Variants in SLC25A37 observed in about 807,000 individuals in gnomAD.
The protein encoded by SLC25A37 is mitoferrin-1.
Under a neutral mutation model 31.0 loss-of-function variants are expected in SLC25A37, and 17 were observed. The observed-to-expected ratio is 0.55, with a 90% CI of 0.38 to 0.82. The LOEUF (loss-of-function observed/expected upper bound fraction) is 0.82, where lower values mean the gene tolerates loss of function less well. Ranked by LOEUF, SLC25A37 falls within the 40% of genes least tolerant of loss-of-function variation. The pLI, the probability that SLC25A37 is intolerant of heterozygous loss-of-function variation, is 0.00. For missense variants in SLC25A37, 404 were observed against 465.8 expected (o/e 0.87, Z 1.22); for synonymous variants, 222 against 193.0 (o/e 1.15, Z -1.24).
intron 1 of SLC25A37, among the ~76,000 whole-genome samples, chr8:23,544,979 G>A (rs1176634693): frequency 6.6e-6 from 1 of 152,208 alleles, no homozygotes; most frequent in East Asian, 1.9e-4. Flanking sequence ...GAGGCTAAGC[G>A]GTCACATCAG....
intron 1 of SLC25A37, among the ~76,000 whole-genome samples, chr8:23,536,070 G>A (rs546274451): frequency 7.2e-5 from 11 of 152,280 alleles, no homozygotes; most frequent in East Asian, 3.9e-4. Context: ...TGGTGCGTAC[G>A]TTGTCAATAA....
rs956209881 is a variant in SLC25A37 at position 23,529,320 on chromosome 8, C to T, written c.210+108C>T. 9 of 1,073,064 alleles carry T rather than the reference C, an allele frequency of 8.4e-6. No individual in the cohort carries two copies. The highest frequency in any genetic ancestry group is 3.4e-5 in the African/African-American group (2 of 59,666). 66.5% of individuals were successfully genotyped at this position (1,073,064 alleles called of 1,614,324 possible). A position where few individuals can be genotyped will look rare whatever the true frequency, so the allele number is the denominator to read the frequency against. On this transcript the variant is annotated intron_variant, in intron 1 of 3. Transcript: ENST00000519973. This position sits in a 1 kb window ranked among gnomAD's most constrained non-coding sequence, Gnocchi z 4.1. ...CGGGGCAGCGTCCCGAAACCGAGCT[C>T]TCCCCAGGACCGCGGCTGGCCGGGG...
chr8:23,550,659 C>T (rs974786581), intron 1 of SLC25A37, among the ~76,000 whole-genome samples: 5 of 152,210 alleles, frequency 3.3e-5, no homozygotes, highest in African/African-American at 7.2e-5. Context: ...TGTGCAGTTG[C>T]TGAGGGATTG....
intron 3 of SLC25A37, among the ~76,000 whole-genome samples, 182 bp from the exon 4 acceptor site, chr8:23,571,153 C>T (rs1053582779): frequency 2.0e-5 from 3 of 152,178 alleles, no homozygotes; most frequent in Admixed American, 6.5e-5. Flanking sequence ...CTAGGACTGC[C>T]GGGAGCTGGC....
intron 1 of SLC25A37, among the ~76,000 whole-genome samples, chr8:23,552,745 G>A (rs974005815): frequency 6.6e-6 from 1 of 152,196 alleles, no homozygotes; most frequent in African/African-American, 2.4e-5. Context: ...TTCTGTGATT[G>A]GGATTTTCAG....
At chr8:23,533,561 C>T (rs1045202544) in intron 1 of SLC25A37, among the ~76,000 whole-genome samples, 21 of 152,198 alleles carry the variant, frequency 1.4e-4, no homozygotes, top group African/African-American at 5.1e-4. Flanking sequence ...TCCACTTTCT[C>T]TGTTTTTTAG....
Position 23,573,509 on chromosome 8 carries a change from A to G in SLC25A37, c.*1654A>G, listed in dbSNP as rs1802914719. On this transcript the variant is annotated 3_prime_UTR_variant, in exon 4 of 4. Transcript: ENST00000519973. ...GCCGGGTCCTGACCTGCCGCCACCC[A>G]TCACGGTCAGCGTGGTGCATCTTAC... 1 of 234,250 alleles carries G rather than the reference A, an allele frequency of 4.3e-6. No homozygotes were observed. The highest frequency in any genetic ancestry group is 2.2e-5 in the African/African-American group (1 of 44,892). The allele number at this position is 234,250 out of a possible 1,614,324, so 14.5% of individuals were successfully genotyped here. A position where few individuals can be genotyped will look rare whatever the true frequency, so the allele number is the denominator to read the frequency against.
At chr8:23,540,297 G>A (rs1275545566) in intron 1 of SLC25A37, among the ~76,000 whole-genome samples, 2 of 152,222 alleles carry the variant, frequency 1.3e-5, no homozygotes, top group Non-Finnish European at 2.9e-5. Context: ...CCAGTAGGAT[G>A]TTGGATGCAG....
chr8:23,533,301 A>AG (rs1188444515), intron 1 of SLC25A37, among the ~76,000 whole-genome samples: 5 of 152,110 alleles, frequency 3.3e-5, no homozygotes, highest in African/African-American at 1.2e-4. Flanking sequence ...TGAACAGCAA[A>AG]GGGGGCCTCA....
chr8:23,543,758 C>G (rs1801961852), intron 1 of SLC25A37, among the ~76,000 whole-genome samples: 1 of 151,712 alleles, frequency 6.6e-6, no homozygotes, highest in African/African-American at 2.4e-5. Context: ...TGGTCTCGAT[C>G]TCCTGACCTT....
intron 1 of SLC25A37, among the ~76,000 whole-genome samples, chr8:23,536,685 T>C (rs1801776270): frequency 6.6e-6 from 1 of 152,194 alleles, no homozygotes; most frequent in Admixed American, 6.5e-5. Context: ...TGGTCCTGGC[T>C]TCCCCTCGGG....
intron 1 of SLC25A37, among the ~76,000 whole-genome samples, chr8:23,548,542 C>A (rs921163240): frequency 1.4e-5 from 2 of 147,580 alleles, no homozygotes; most frequent in African/African-American, 5.1e-5. Flanking sequence ...GCAATGTCGG[C>A]TCACTGTAAC....
chr8:23,533,630 A>T (rs570592297), intron 1 of SLC25A37, among the ~76,000 whole-genome samples: 1 of 152,294 alleles, frequency 6.6e-6, no homozygotes, highest in South Asian at 2.1e-4. Context: ...TCATCGGATG[A>T]ACTCACCTGC....
At chr8:23,540,164 G>C (rs10503727) in intron 1 of SLC25A37, among the ~76,000 whole-genome samples, 31,361 of 152,200 alleles carry the variant, frequency 0.21, 3,370 homozygotes, top group South Asian at 0.3. Context: ...GGCAGGTGTT[G>C]TTTCTCATTT....
rs1421801002 is a variant in SLC25A37, at chr8:23,546,541, ATATATATATATAGTG to A, written c.210+17342_210+17356del. 9.6e-3 allele frequency among the ~76,000 whole-genome samples: 219 copies of A among 22,720 alleles called. 3 individuals are homozygous for A. Among genetic ancestry groups the A allele is most frequent in the African/African-American group, 0.014 (41 of 2,870 alleles). The allele number at this position is 22,720 out of a possible 152,430, so 14.9% of individuals were successfully genotyped here. ...TATATATATATAGGTGTATATATAT[ATATATATATATAGTG>A]TATATATATATATATATATATATAT... On this transcript the variant is annotated intron_variant, in intron 1 of 3. Coordinates refer to ENST00000519973, the MANE Select transcript of SLC25A37 (RefSeq NM_016612.4).
At chr8:23,548,341 G>A (rs1162722763) in intron 1 of SLC25A37, among the ~76,000 whole-genome samples, 5 of 152,052 alleles carry the variant, frequency 3.3e-5, no homozygotes. Flanking sequence ...ACCACGCCCA[G>A]CTAATTTTTT....
At position 23,574,041 on chromosome 8, in the gene SLC25A37, C is replaced by T. The variant is rs560752562; in HGVS notation, c.*2186C>T. ...AATTTGTAAAAAAATTATCCTACCA[C>T]CCCTTTTGGTCCACTTAAGATATGC... On this transcript the variant is annotated 3_prime_UTR_variant, in exon 4 of 4. Transcript: ENST00000519973. The T allele has an allele frequency of 2.8e-6, 1 of 357,086 alleles. No homozygotes were observed. The allele number at this position is 357,086 out of a possible 1,614,324, so 22.1% of individuals were successfully genotyped here. A position where few individuals can be genotyped will look rare whatever the true frequency, so the allele number is the denominator to read the frequency against.
chr8:23,554,569 T>C (rs1280283958), intron 1 of SLC25A37, among the ~76,000 whole-genome samples: 1 of 152,222 alleles, frequency 6.6e-6, no homozygotes, highest in African/African-American at 2.4e-5. Flanking sequence ...ATTCTGGGTG[T>C]GTTCTGGGTA....
intron 3 of SLC25A37, among the ~76,000 whole-genome samples, chr8:23,569,399 G>GCACACA (rs1366583031): frequency 3.2e-5 from 2 of 62,448 alleles, no homozygotes; most frequent in East Asian, 8.0e-4. Flanking sequence ...ACCTATGTGT[G>GCACACA]CATACACACA....
Sources: allele counts gnomAD v4.1 joint callset (sites outside exome capture counted in the v4.1 genomes callset), GRCh38; gene constraint gnomAD v4.1.1; non-coding constraint Gnocchi (gnomAD v3.1); transcripts MANE v1.5; gene names NCBI Gene and HGNC (gene_info 2026-07-23, HGNC 2026-07-21).